The following BPIFB3 variants were observed in gnomAD, a reference collection of about 807,000 sequenced individuals.
BPIFB3 encodes BPI fold containing family B member 3, also known as BPI fold-containing family B member 3.
In BPIFB3, 49 loss-of-function variants were observed where a neutral mutation model predicts 53.1. The observed-to-expected ratio is 0.92, with a 90% CI of 0.73 to 1.17. The LOEUF is 1.17. BPIFB3 is among the 50% of genes most tolerant of loss of function. The pLI, the probability that BPIFB3 is intolerant of heterozygous loss-of-function variation, is 0.00. For synonymous variants in BPIFB3, 271 were observed against 269.6 expected, an observed-to-expected ratio of 1.01 and a Z score of -0.05; for missense variants, 628 against 592.5, an observed-to-expected ratio of 1.06 and a Z score of -0.62.
At position 33,069,024 on chromosome 20, in the gene BPIFB3, G is replaced by C. The variant is rs778701479; in HGVS notation, c.1149+51G>C. 1.5e-5 allele frequency: 24 copies of C among 1,581,804 alleles called. No homozygotes were observed. The Admixed American group carries it at 2.4e-4, about 16-fold the overall frequency. ...GCCCGGCATTGGGGTTCCAAATGGG[G>C]GTGACTGTCTCCAGGACTGTGGAGG... On this transcript the variant is annotated intron_variant, in intron 10 of 14. Coordinates refer to ENST00000375494, the Ensembl canonical transcript of BPIFB3.
In BPIFB3 at chr20:33,055,541, G is replaced by T. The variant is rs751218546; in HGVS notation, c.118G>T (p.Gly40Cys). The T allele has an allele frequency of 1.9e-6, 3 of 1,613,556 alleles. No individual in the cohort carries two copies. In the South Asian group the frequency reaches 3.3e-5, roughly 18 times the overall value. Residue 40 changes from glycine (G) to cysteine (C), a missense_variant, in exon 1 of 15, where the codon GGC becomes TGC. Physicochemically the swap from Gly to Cys is radical, Grantham distance 159. Coordinates refer to ENST00000375494, the Ensembl canonical transcript of BPIFB3. ...CGCTCGGATTGACAAGGATGAACTC[G>T]GCAAAGGTGAGCCCCAGGTGGGCAG...
intron 14 of BPIFB3, among the ~76,000 whole-genome samples, 156 bp downstream of exon 15, chr20:33,072,949 G>A (rs1478117770): frequency 6.6e-6 from 1 of 152,156 alleles, no homozygotes; most frequent in Non-Finnish European, 1.5e-5. Context: ...GCCTAACTTA[G>A]GAATGGCAAA....
chr20:33,059,655 T>C (rs994788804), intron 3 of BPIFB3, among the ~76,000 whole-genome samples, 173 bp downstream of exon 4: 2 of 151,846 alleles, frequency 1.3e-5, no homozygotes, highest in Admixed American at 1.3e-4. Flanking sequence ...CTGGATCCTA[T>C]GCCATTGCCC....
chr20:33,057,055 T>C (rs118064492), intron 2 of BPIFB3, among the ~76,000 whole-genome samples: 107 of 152,312 alleles, frequency 7.0e-4, no homozygotes, highest in Admixed American at 1.6e-3. Context: ...ATCCCCACCA[T>C]ACATTTTACA....
intron 5 of BPIFB3, 64 bp from the exon 7 acceptor site, chr20:33,063,551 G>C: frequency 6.4e-7 from 1 of 1,562,580 alleles, no homozygotes; most frequent in Non-Finnish European, 8.8e-7. Context: ...AGCATTTAAA[G>C]AACATGCAGC....
chr20:33,054,314 C>T (rs192938481), upstream of BPIFB3, among the ~76,000 whole-genome samples: 10 of 152,204 alleles, frequency 6.6e-5, no homozygotes, highest in East Asian at 1.9e-4. Flanking sequence ...CACACAACCA[C>T]GCACAGAGGC....
chr20:33,065,327 C>A (rs1980625179), intron 8 of BPIFB3, among the ~76,000 whole-genome samples: 1 of 151,906 alleles, frequency 6.6e-6, no homozygotes, highest in African/African-American at 2.4e-5. Context: ...CTCTTGAGCC[C>A]AGGAGACACC....
chr20:33,055,603 C>G (rs1980166405), intron 1 of BPIFB3, 56 bp downstream of exon 2: 4 of 1,608,960 alleles, frequency 2.5e-6, no homozygotes, highest in Non-Finnish European at 3.4e-6. Context: ...ACGACTCAAT[C>G]TATATGCTTA....
At chr20:33,072,279 C>T (rs531571727) in intron 13 of BPIFB3, 112 bp downstream of exon 14, 56 of 1,169,970 alleles carry the variant, frequency 4.8e-5, no homozygotes, top group South Asian at 5.1e-5. Flanking sequence ...AGAGAGAGGT[C>T]GATCCTCATT....
chr20:33,055,093 A>G (rs1007012804), upstream of BPIFB3, among the ~76,000 whole-genome samples: 6 of 152,202 alleles, frequency 3.9e-5, no homozygotes, highest in African/African-American at 1.4e-4. Context: ...AGATGGACTC[A>G]GGCTTGAATT....
chr20:33,060,165 G>A (rs1178610674), intron 4 of BPIFB3, 134 bp downstream of exon 5: 20 of 1,227,920 alleles, frequency 1.6e-5, no homozygotes, highest in East Asian at 2.5e-5. Flanking sequence ...TTGTCCCGCC[G>A]GTTTCAACCC....
At chr20:33,071,618 A>G (rs1861383386) in intron 12 of BPIFB3, among the ~76,000 whole-genome samples, 1 of 152,174 alleles carries the variant, frequency 6.6e-6, no homozygotes, top group African/African-American at 2.4e-5. Flanking sequence ...TCTCCCAAGT[A>G]ATAAATTTCC....
rs1980955500 is a variant in BPIFB3, at chr20:33,072,697, C to CA, written c.1325-18dup. The CA allele has an allele frequency of 6.2e-7, 1 of 1,606,006 alleles. No homozygotes were observed. The highest frequency in any genetic ancestry group is 8.5e-7 in the Non-Finnish European group (1 of 1,172,802). On this transcript the variant is annotated intron_variant, in intron 13 of 14. Transcript: ENST00000375494. ...CTCCCCACCAATGTACCTTTGTTTT[C>CA]AACGATTCTCTTTTCACAGTGGCCC...
At chr20:33,065,984 C>T (rs1176420390) in intron 8 of BPIFB3, among the ~76,000 whole-genome samples, 1 of 152,142 alleles carries the variant, frequency 6.6e-6, no homozygotes, top group Non-Finnish European at 1.5e-5. Flanking sequence ...CATGTCTGAG[C>T]GGCCTGCGGA....
rs756638010 is a variant in BPIFB3 at position 33,066,833 on chromosome 20, G to A, written c.934G>A (p.Asp312Asn). 62 of 1,614,056 alleles carry A rather than the reference G, an allele frequency of 3.8e-5. 1 individual carries two copies. The Middle Eastern group carries it at 4.9e-4, about 13-fold the overall frequency. ...CCCATTGGGGGTCCAGGTTCCCAGC[G>A]ATGTCCCACTGACAACTACAGACCT... Residue 312 changes from aspartate to asparagine, a missense_variant, in exon 9 of 15, where the codon GAT becomes AAT. Coordinates refer to ENST00000375494, the Ensembl canonical transcript of BPIFB3.
In BPIFB3 at chr20:33,059,969, CA is replaced by C; in HGVS notation, c.466del (p.Thr156HisfsTer54). On this transcript the variant is annotated frameshift_variant, in exon 4 of 15. Transcript: ENST00000375494. LOFTEE classifies it high-confidence loss of function. ...TGGCGCTGGCCGTGAGCTCAAGGGG[CA>C]CACCCATCCTTATCCTCAAGCGCTG... 1 of 1,614,162 alleles carries C rather than the reference CA, an allele frequency of 6.2e-7. No homozygotes were observed. Among genetic ancestry groups the C allele is most frequent in the African/African-American group, 1.3e-5 (1 of 75,054 alleles).
At position 33,059,407 on chromosome 20, in the gene BPIFB3, AG is replaced by A; in HGVS notation, c.313del (p.Val105CysfsTer3). Reference sequence around the variant, plus strand: ...AAGATTGAGGAGCTCACGCTGCCAAAGGTGTTGCTGAAGCTGCTGCCGGGAT... The same window carrying A: ...AAGATTGAGGAGCTCACGCTGCCAAAGTGTTGCTGAAGCTGCTGCCGGGAT... On this transcript the variant is annotated frameshift_variant, in exon 3 of 15. Coordinates refer to ENST00000375494, the Ensembl canonical transcript of BPIFB3. LOFTEE classifies it high-confidence loss of function. The A allele has an allele frequency of 6.2e-7, 1 of 1,612,652 alleles. No individual in the cohort carries two copies. The highest frequency in any genetic ancestry group is 8.5e-7 in the Non-Finnish European group (1 of 1,179,580).
exon 3 of BPIFB3, chr20:33,059,399 G>T: frequency 6.2e-7 from 1 of 1,612,188 alleles, no homozygotes. Context: ...AGGAGCTCAC[G>T]CTGCCAAAGG....
chr20:33,060,135 T>G (rs1463879352), intron 4 of BPIFB3, 104 bp downstream of exon 5: 2 of 1,454,438 alleles, frequency 1.4e-6, no homozygotes, highest in African/African-American at 2.8e-5. Context: ...TGCGGGGGCC[T>G]GAACTCGTCC....
Sources: gnomAD v4.1 joint callset for allele counts (sites outside exome capture counted in the v4.1 genomes callset) on GRCh38, gnomAD v4.1.1 for gene constraint, MANE v1.5 for transcripts, NCBI Gene and HGNC (gene_info 2026-07-23, HGNC 2026-07-21) for gene names.